The following GIT1 variants were observed in gnomAD, a reference collection of about 807,000 sequenced individuals.
GIT1 encodes the protein ARF GTPase-activating protein GIT1.
Under a neutral mutation model 91.7 loss-of-function variants are expected in GIT1, and 14 were observed. That is an observed-to-expected ratio of 0.15 (90% CI 0.10 to 0.24). The LOEUF is 0.24. Among genes scored for constraint, GIT1 ranks in the 10% least tolerant of loss-of-function variants. GIT1 has a pLI of 1.00. For synonymous variants in GIT1, 414 were observed against 418.2 expected (o/e 0.99, Z 0.12); for missense variants, 717 against 1,024.9 (o/e 0.70, Z 4.10).
Position 29,575,242 on chromosome 17 carries a change from A to G in GIT1, c.2009+46T>C. 6.3e-7 allele frequency: 1 copy of G among 1,579,598 alleles called. No individual in the cohort carries two copies. ...CTCATGCTCTCTGCAACACCCTAGA[A>G]GCCAACAGGAACTGCATCCCCCTCA... On this transcript the variant is annotated intron_variant, in intron 18 of 19. Transcript: ENST00000225394. The surrounding 1 kb of genome is among the most constrained non-coding windows in gnomAD (Gnocchi z 5.5).
intron 1 of GIT1, among the ~76,000 whole-genome samples, chr17:29,584,939 G>A (rs2033538859): frequency 6.6e-6 from 1 of 151,408 alleles, no homozygotes; most frequent in African/African-American, 2.4e-5. Context: ...AAAGGAGAGA[G>A]GCCTGTCTTT....
chr17:29,580,600 C>A (rs1046538887), intron 7 of GIT1, among the ~76,000 whole-genome samples: 3 of 152,172 alleles, frequency 2.0e-5, no homozygotes, highest in African/African-American at 7.2e-5. Flanking sequence ...GCGCACGTGC[C>A]TAATTCTGAG....
In GIT1 at chr17:29,575,561, C is replaced by G; in HGVS notation, c.1826+69G>C. The G allele has an allele frequency of 6.4e-7, 1 of 1,564,786 alleles. No homozygotes were observed. The highest frequency in any genetic ancestry group is 1.1e-5 in the South Asian group (1 of 89,032). ...AGCCGCCCGCCTTGGTCCTCACACACTGGGGGCCCTCTCAACCTCCCCGCC... is the reference window on the plus strand; with the variant it reads ...AGCCGCCCGCCTTGGTCCTCACACAGTGGGGGCCCTCTCAACCTCCCCGCC... On this transcript the variant is annotated intron_variant, in intron 17 of 19. Transcript: ENST00000225394. The surrounding 1 kb of genome is among the most constrained non-coding windows in gnomAD (Gnocchi z 5.5).
chr17:29,577,937 A>G (rs555895633), intron 9 of GIT1, among the ~76,000 whole-genome samples, 195 bp from the exon 10 acceptor site: 192 of 152,364 alleles, frequency 1.3e-3, no homozygotes, highest in African/African-American at 4.3e-3. Flanking sequence ...GGGGACAGAC[A>G]AATGGAACAA....
Position 29,584,607 on chromosome 17 carries a change from C to T in GIT1, c.53-991G>A, listed in dbSNP as rs192362805. Among the ~76,000 whole-genome samples, 1,220 of 152,320 alleles carry T rather than the reference C, an allele frequency of 8.0e-3. 8 individuals carry two copies. The highest frequency in any genetic ancestry group is 0.014 in the Non-Finnish European group (933 of 68,022). ...ATTGTGTGCCGCCTGAGAGTGGGGG[C>T]AGGGCGCCTCTCTCCCAGGACACTT... On this transcript the variant is annotated intron_variant, in intron 1 of 19. Coordinates refer to ENST00000225394, the MANE Select transcript of GIT1 (RefSeq NM_014030.4).
At chr17:29,582,231 C>T (rs1195445078) in intron 4 of GIT1, 87 bp from the exon 5 acceptor site, 2 of 993,936 alleles carry the variant, frequency 2.0e-6, no homozygotes, top group African/African-American at 1.6e-5. Flanking sequence ...GCCCCTGGGA[C>T]ACCTAGCAGC....
chr17:29,589,340 G>A lies in GIT1; in HGVS notation c.39C>T (p.Asp13=), dbSNP rs1305274376. 5.5e-6 allele frequency: 6 copies of A among 1,084,062 alleles called. No homozygotes were observed. Among genetic ancestry groups the A allele is most frequent in the Non-Finnish European group, 6.8e-6 (6 of 884,236 alleles). 67.2% of individuals were successfully genotyped at this position (1,084,062 alleles called of 1,614,324 possible). The change falls in exon 1 of 20, where the codon GAC becomes GAT. Residue 13 remains aspartate, a synonymous_variant. Coordinates refer to ENST00000225394, the MANE Select transcript of GIT1 (RefSeq NM_014030.4). The surrounding 1 kb of genome is among the most constrained non-coding windows in gnomAD (Gnocchi z 5.2). ...RKGPRAEVCA[D]CSAPDPGWAS... ...CGCCGCGCTTACCCGGGGCGCTGCAGTCCGCACACACCTCCGCTCGCGGCC... is the reference window on the plus strand; with the variant it reads ...CGCCGCGCTTACCCGGGGCGCTGCAATCCGCACACACCTCCGCTCGCGGCC...
chr17:29,579,031 G>A lies in GIT1; in HGVS notation c.762-252C>T, dbSNP rs780466197. The A allele has an allele frequency of 3.7e-6, 6 of 1,601,540 alleles. No homozygotes were observed. The African/African-American group carries it at 8.0e-5, about 21-fold the overall frequency. ...CAGCAGAGGGAAGAACAGGACAGAG[G>A]CGGCAGTTACCCAGGAGCAGGGCAG... is the stretch of plus-strand genomic sequence containing the variant. On this transcript the variant is annotated intron_variant, in intron 7 of 19. Transcript: ENST00000225394.
chr17:29,574,479 G>A lies in GIT1; in HGVS notation c.*223C>T, dbSNP rs1412299851. 9 of 610,512 alleles carry A rather than the reference G, an allele frequency of 1.5e-5. No individual in the cohort carries two copies. The highest frequency in any genetic ancestry group is 2.4e-5 in the Non-Finnish European group (8 of 339,872). The allele number at this position is 610,512 out of a possible 1,614,324, so 37.8% of individuals were successfully genotyped here. On this transcript the variant is annotated 3_prime_UTR_variant, in exon 20 of 20. Coordinates refer to ENST00000225394, the MANE Select transcript of GIT1 (RefSeq NM_014030.4). ...GGGGGGAGATGCTATATACAGAGGGGAGGTGCATGGAATGTGGGGGACAGA... is the reference window on the plus strand; with the variant it reads ...GGGGGGAGATGCTATATACAGAGGGAAGGTGCATGGAATGTGGGGGACAGA...
rs773831105 is a variant in GIT1 at position 29,578,388 on chromosome 17, G to T, written c.811-17C>A. On this transcript the variant is annotated splice_polypyrimidine_tract_variant and intron_variant, in intron 8 of 19. Transcript: ENST00000225394. ...GTTGCTGAGCTGGAGGAAGAGAGGG[G>T]CCCAGATGTTGTCAGATGCATCGGC... 2 of 1,612,836 alleles carry T rather than the reference G, an allele frequency of 1.2e-6. No individual in the cohort carries two copies. The highest frequency in any genetic ancestry group is 2.7e-5 in the African/African-American group (2 of 75,028).
chr17:29,576,011 C>A, intron 15 of GIT1, 67 bp downstream of exon 15: 3 of 1,575,334 alleles, frequency 1.9e-6, no homozygotes, highest in Non-Finnish European at 2.6e-6. Context: ...GAATTCAGCA[C>A]AGAGCCCAGA....
chr17:29,577,262 G>A lies in GIT1; in HGVS notation c.982-15C>T. 1 of 1,609,432 alleles carries A rather than the reference G, an allele frequency of 6.2e-7. No individual in the cohort carries two copies. The highest frequency in any genetic ancestry group is 1.1e-5 in the South Asian group (1 of 90,978). On this transcript the variant is annotated splice_polypyrimidine_tract_variant and intron_variant, in intron 10 of 19. Transcript: ENST00000225394. The stretch of plus-strand genomic sequence containing the variant: ...TTTTGTCGCCCCTGCAAGGCAGAAA[G>A]GGCCAGGCTGGCTTCAGGGGACCCC...
At position 29,577,750 on chromosome 17, in the gene GIT1, G is replaced by A. The variant is rs764841797; in HGVS notation, c.884-8C>T. ...TTTGGGTAGCCAGCCACACTGTAGG[G>A]GACGGACAGGAGCAGATCAGCCACG... On this transcript the variant is annotated splice_region_variant and splice_polypyrimidine_tract_variant and intron_variant, in intron 9 of 19. Coordinates refer to ENST00000225394, the MANE Select transcript of GIT1 (RefSeq NM_014030.4). 25 of 1,570,450 alleles carry A rather than the reference G, an allele frequency of 1.6e-5. No homozygotes were observed. The South Asian group carries it at 2.7e-4, about 17-fold the overall frequency.
Position 29,582,082 on chromosome 17 carries a change from A to G in GIT1, c.468T>C (p.Gly156=). The change falls in exon 5 of 20, where the codon GGT becomes GGC. Residue 156 remains glycine, a synonymous_variant. Coordinates refer to ENST00000225394, the MANE Select transcript of GIT1 (RefSeq NM_014030.4). The part of the protein sequence containing the change: ...LETCLRLLSL[G]AQANFFHPEK... ...CTGGGTGGAAGAAGTTGGCCTGGGC[A>G]CCCAGGGAGAGCAGGCGCAGACATG... The G allele has an allele frequency of 6.2e-7, 1 of 1,606,886 alleles. No homozygotes were observed. The highest frequency in any genetic ancestry group is 1.1e-5 in the South Asian group (1 of 91,000).
rs1162587843 is a variant in GIT1, at chr17:29,575,651, T to C, written c.1805A>G (p.Gln602Arg). 6.2e-7 allele frequency: 1 copy of C among 1,612,376 alleles called. No homozygotes were observed. Among genetic ancestry groups the C allele is most frequent in the Admixed American group, 1.7e-5 (1 of 60,018 alleles). Residue 602 changes from glutamine (Q) to arginine (R), a missense_variant, in exon 17 of 20, where the codon CAA becomes CGA. This residue lies in a region of GIT1 where 134 missense variants were observed against 223.8 expected (regional missense o/e 0.60). Transcript: ENST00000225394. This position sits in a 1 kb window ranked among gnomAD's most constrained non-coding sequence, Gnocchi z 5.5. The part of the protein sequence containing the change: ...SGADSDYENT[Q>R]SGDPLLGLEG... The stretch of plus-strand genomic sequence containing the variant: ...TCACCCCAGCAGTGGGTCCCCACTT[T>C]GCGTGTTCTCATAGTCACTGTCGGC...
At chr17:29,577,498 A>T in intron 10 of GIT1, 147 bp downstream of exon 10, 1 of 703,650 alleles carries the variant, frequency 1.4e-6, no homozygotes, top group Non-Finnish European at 2.6e-6. Context: ...CAGCCTCCTG[A>T]CCTTCCCAAA....
intron 1 of GIT1, among the ~76,000 whole-genome samples, chr17:29,587,675 C>T (rs1351383836): frequency 1.3e-5 from 2 of 152,130 alleles, no homozygotes; most frequent in Non-Finnish European, 2.9e-5. Flanking sequence ...TGGCAGCCCC[C>T]CAAAAACCAT....
intron 1 of GIT1, among the ~76,000 whole-genome samples, chr17:29,586,627 C>T (rs1284770987): frequency 2.0e-5 from 3 of 152,190 alleles, no homozygotes; most frequent in Non-Finnish European, 2.9e-5. Context: ...TAGCTTGTCC[C>T]GTAACATGTC....
In GIT1 at chr17:29,581,554, C is replaced by T. The variant is rs2033395559; in HGVS notation, c.719-174G>A. The T allele has an allele frequency of 1.4e-6, 1 of 702,996 alleles. No individual in the cohort carries two copies. Among genetic ancestry groups the T allele is most frequent in the African/African-American group, 1.7e-5 (1 of 57,376 alleles). 43.5% of individuals were successfully genotyped at this position (702,996 alleles called of 1,614,324 possible). ...TCGTGGGAGGATGCAGGATGCCCAC[C>T]CCCACTCCCTAGCCCCAGCGATGCT... On this transcript the variant is annotated intron_variant, in intron 6 of 19. Coordinates refer to ENST00000225394, the MANE Select transcript of GIT1 (RefSeq NM_014030.4). This position sits in a 1 kb window ranked among gnomAD's most constrained non-coding sequence, Gnocchi z 4.8.
Sources: allele counts gnomAD v4.1 joint callset (sites outside exome capture counted in the v4.1 genomes callset), GRCh38; gene constraint gnomAD v4.1.1; regional missense constraint gnomAD v4.1.1; non-coding constraint Gnocchi (gnomAD v3.1); transcripts MANE v1.5; gene names NCBI Gene and HGNC (gene_info 2026-07-23, HGNC 2026-07-21).